Variants in GFOD1 observed in about 807,000 individuals in gnomAD.
GFOD1 encodes the protein Gfo/Idh/MocA-like oxidoreductase domain containing 1.
GFOD1 carries 9 observed loss-of-function variants against 25.4 expected under a neutral mutation model. The observed-to-expected ratio is 0.35, with a 90% CI of 0.21 to 0.62. GFOD1 has a LOEUF of 0.62. GFOD1 is among the 20% of genes least tolerant of loss of function. The pLI is 0.72. For missense variants in GFOD1, 403 were observed against 556.9 expected, an observed-to-expected ratio of 0.72 and a Z score of 2.78; for synonymous variants, 253 against 245.6, an observed-to-expected ratio of 1.03 and a Z score of -0.28.
At chr6:13,449,634 C>T (rs1758060926) in intron 1 of GFOD1, among the ~76,000 whole-genome samples, 1 of 152,054 alleles carries the variant, frequency 6.6e-6, no homozygotes, top group African/African-American at 2.4e-5. Flanking sequence ...GGGGCGGTTT[C>T]CCCCATATTG....
chr6:13,471,708 T>C (rs1343827576), intron 1 of GFOD1, among the ~76,000 whole-genome samples: 1 of 152,114 alleles, frequency 6.6e-6, no homozygotes, highest in Non-Finnish European at 1.5e-5. Flanking sequence ...CACCCACAGG[T>C]TGGGGTTGCT....
Position 13,364,647 on chromosome 6 carries a change from C to A in GFOD1, c.*96G>T. 9.7e-7 allele frequency: 1 copy of A among 1,030,244 alleles called. No homozygotes were observed. The highest frequency in any genetic ancestry group is 1.6e-5 in the African/African-American group (1 of 62,990). The allele number at this position is 1,030,244 out of a possible 1,614,324, so 63.8% of individuals were successfully genotyped here. A position where few individuals can be genotyped will look rare whatever the true frequency, so the allele number is the denominator to read the frequency against. ...CACACTGTCCCTCCACCTCCCTGAT[C>A]CCCACATTCCCCATGGTCACCCTCT... On this transcript the variant is annotated 3_prime_UTR_variant, in exon 2 of 2. Coordinates refer to ENST00000379287, the MANE Select transcript of GFOD1 (RefSeq NM_018988.4). This position sits in a 1 kb window ranked among gnomAD's most constrained non-coding sequence, Gnocchi z 4.1.
At chr6:13,480,912 C>T (rs569421083) in intron 1 of GFOD1, among the ~76,000 whole-genome samples, 4 of 152,292 alleles carry the variant, frequency 2.6e-5, no homozygotes, top group South Asian at 2.1e-4. Context: ...TCTTTAGAAC[C>T]TTTTGCCTTC....
chr6:13,459,918 G>T (rs1244247570), intron 1 of GFOD1, among the ~76,000 whole-genome samples: 1 of 152,212 alleles, frequency 6.6e-6, no homozygotes, highest in African/African-American at 2.4e-5. Flanking sequence ...CAGATCACCT[G>T]AAGTCAGGAG....
chr6:13,384,296 T>A (rs1785423445), intron 1 of GFOD1, among the ~76,000 whole-genome samples: 1 of 152,254 alleles, frequency 6.6e-6, no homozygotes, highest in Admixed American at 6.5e-5. Context: ...TTATGAGTTA[T>A]TTTTTAAAGC....
In GFOD1 at chr6:13,366,007, GGCTGCAGTGAGCTATGTTCTGGCC is replaced by G. The variant is rs552337337; in HGVS notation, c.254-369_254-346del. ...GGATCACTTGAGCCCAGGAGGTTGA[GGCTGCAGTGAGCTATGTTCTGGCC>G]GCTGCAGTGAGCTATGTTCTGGCCA... On this transcript the variant is annotated intron_variant, in intron 1 of 1. Coordinates refer to ENST00000379287, the MANE Select transcript of GFOD1 (RefSeq NM_018988.4). Among the ~76,000 whole-genome samples the G allele has an allele frequency of 3.0e-4, 45 of 151,216 alleles. No individual in the cohort carries two copies. The South Asian group carries it at 5.0e-3, about 17-fold the overall frequency.
intron 1 of GFOD1, among the ~76,000 whole-genome samples, chr6:13,422,172 C>A (rs2119481): frequency 0.58 from 88,173 of 151,656 alleles, 29,646 homozygotes; most frequent in Non-Finnish European, 0.74. Context: ...GTGCCCTTTT[C>A]CAATTAAGGC....
chr6:13,383,962 A>C (rs2127559272), intron 1 of GFOD1, among the ~76,000 whole-genome samples: 1 of 152,360 alleles, frequency 6.6e-6, no homozygotes, highest in East Asian at 1.9e-4. Flanking sequence ...GCAGTGGCTC[A>C]CGTCTGTAAA....
intron 1 of GFOD1, chr6:13,486,348 T>C: frequency 2.1e-6 from 1 of 480,598 alleles, no homozygotes; most frequent in South Asian, 2.2e-5. Context: ...CGGCATCTGA[T>C]CTTCCTAGTT....
chr6:13,394,389 C>T (rs1649553375), intron 1 of GFOD1, among the ~76,000 whole-genome samples: 1 of 149,798 alleles, frequency 6.7e-6, no homozygotes. Flanking sequence ...TTGGTCGTCT[C>T]TGGGCAGGAG....
intron 1 of GFOD1, among the ~76,000 whole-genome samples, chr6:13,384,252 TA>T (rs2127559365): frequency 1.3e-5 from 2 of 152,272 alleles, no homozygotes; most frequent in South Asian, 4.1e-4. Context: ...TAAACTAAAC[TA>T]AAATAAAACA....
intron 1 of GFOD1, among the ~76,000 whole-genome samples, chr6:13,445,419 C>A (rs777927563): frequency 5.9e-5 from 9 of 152,162 alleles, no homozygotes; most frequent in Non-Finnish European, 1.2e-4. Flanking sequence ...TCTGAAGAGA[C>A]CAAGATCCAA....
At chr6:13,382,150 G>A (rs1330584547) in intron 1 of GFOD1, among the ~76,000 whole-genome samples, 1 of 151,942 alleles carries the variant, frequency 6.6e-6, no homozygotes, top group Non-Finnish European at 1.5e-5. Context: ...CCATAATCTG[G>A]CTCTGTGTAT....
chr6:13,404,694 T>A (rs2127564253), intron 1 of GFOD1, among the ~76,000 whole-genome samples: 1 of 152,358 alleles, frequency 6.6e-6, no homozygotes, highest in Non-Finnish European at 1.5e-5. Flanking sequence ...GGAGGCTGCA[T>A]GCACACTTGG....
intron 1 of GFOD1, chr6:13,470,474 C>T: frequency 1.3e-6 from 2 of 1,550,146 alleles, no homozygotes; most frequent in African/African-American, 1.4e-5. Flanking sequence ...GAAACCTGTC[C>T]CCTGGGACTC....
Position 13,409,169 on chromosome 6 carries a change from AAGAG to A in GFOD1, c.254-43511_254-43508del, listed in dbSNP as rs201663825. 3.9e-4 allele frequency among the ~76,000 whole-genome samples: 21 copies of A among 53,352 alleles called. 3 individuals are homozygous for A. The highest frequency in any genetic ancestry group is 9.8e-4 in the African/African-American group (21 of 21,408). 35.0% of individuals were successfully genotyped at this position (53,352 alleles called of 152,430 possible). The stretch of plus-strand genomic sequence containing the variant: ...AGAAAGAGAGGAAAGAAAGAAAGGA[AAGAG>A]AGAGAGAGAGAGAAAGAAAGAAAGA... On this transcript the variant is annotated intron_variant, in intron 1 of 1. Transcript: ENST00000379287.
chr6:13,422,303 C>T (rs960288071), intron 1 of GFOD1, among the ~76,000 whole-genome samples: 3 of 152,272 alleles, frequency 2.0e-5, no homozygotes, highest in South Asian at 2.1e-4. Context: ...GCTGTCCGAA[C>T]GGATTCTCAG....
chr6:13,364,891 T>C lies in GFOD1; in HGVS notation c.1025A>G (p.Tyr342Cys). The change falls in exon 2 of 2, where the codon TAT (tyrosine) becomes TGT (cysteine). Residue 342 changes from tyrosine to cysteine, a missense_variant. By Grantham distance (194) the Tyr-to-Cys change is radical. Transcript: ENST00000379287. This position sits in a 1 kb window ranked among gnomAD's most constrained non-coding sequence, Gnocchi z 4.1. ...TMAATFDDCL[Y>C]ALCVVDTIKR... ...GATGGTGTCCACCACGCACAAGGCATACAGGCAGTCGTCGAAGGTGGCGGC... is the reference window on the plus strand; with the variant it reads ...GATGGTGTCCACCACGCACAAGGCACACAGGCAGTCGTCGAAGGTGGCGGC... The C allele has an allele frequency of 6.2e-7, 1 of 1,613,880 alleles. No individual in the cohort carries two copies.
chr6:13,439,510 C>T (rs1345029), intron 1 of GFOD1, among the ~76,000 whole-genome samples: 38,423 of 152,112 alleles, frequency 0.25, 5,692 homozygotes, highest in Non-Finnish European at 0.32. Context: ...CTGAGCTCAC[C>T]GGGCACAGTA....
Sources: allele counts gnomAD v4.1 joint callset (sites outside exome capture counted in the v4.1 genomes callset), GRCh38; gene constraint gnomAD v4.1.1; non-coding constraint Gnocchi (gnomAD v3.1); transcripts MANE v1.5; gene names NCBI Gene and HGNC (gene_info 2026-07-23, HGNC 2026-07-21).